ZNF346: variants seen among roughly 807,000 people sequenced by gnomAD.
ZNF346 encodes the protein zinc finger protein 346, also known as double-stranded RNA-binding zinc finger protein JAZ.
A neutral mutation model predicts 33.7 loss-of-function variants in ZNF346; 23 were observed. The ratio of observed to expected loss-of-function variants is 0.68; its 90% CI spans 0.49 to 0.97. ZNF346 has a LOEUF of 0.97. ZNF346 is among the 50% of genes least tolerant of loss of function. ZNF346 has a pLI of 0.00. For synonymous variants in ZNF346, 134 were observed against 142.4 expected, an observed-to-expected ratio of 0.94 and a Z score of 0.42; for missense variants, 340 against 371.1, an observed-to-expected ratio of 0.92 and a Z score of 0.69.
intron 4 of ZNF346, among the ~76,000 whole-genome samples, chr5:177,045,510 A>G (rs1001337298): frequency 6.6e-6 from 1 of 152,018 alleles, no homozygotes; most frequent in Non-Finnish European, 1.5e-5. Context: ...GCCCACCACC[A>G]TGCCCAGCTA....
At chr5:177,075,304 G>A (rs557332340) in intron 8 of ZNF346, among the ~76,000 whole-genome samples, 5 of 151,968 alleles carry the variant, frequency 3.3e-5, no homozygotes, top group African/African-American at 7.3e-5. Context: ...TCATGAGGCT[G>A]AGGCGGGAAA....
chr5:177,059,617 C>T (rs1782204715), intron 5 of ZNF346, among the ~76,000 whole-genome samples: 2 of 152,344 alleles, frequency 1.3e-5, no homozygotes, highest in African/African-American at 4.8e-5. Flanking sequence ...AAATCCTCTG[C>T]TTCACCCCAT....
downstream of ZNF346, among the ~76,000 whole-genome samples, chr5:177,070,675 G>T (rs1033519517): frequency 6.6e-6 from 1 of 152,158 alleles, no homozygotes; most frequent in African/African-American, 2.4e-5. Context: ...TCTTTCTATT[G>T]TTGACCTGAA....
intron 4 of ZNF346, among the ~76,000 whole-genome samples, chr5:177,047,594 C>T (rs1340603444): frequency 6.6e-6 from 1 of 152,080 alleles, no homozygotes; most frequent in Non-Finnish European, 1.5e-5. Flanking sequence ...CAACCTCCAC[C>T]CTCTGGGTTC....
At chr5:177,050,077 C>T (rs7724568) in intron 4 of ZNF346, among the ~76,000 whole-genome samples, 19,719 of 152,214 alleles carry the variant, frequency 0.13, 2,983 homozygotes, top group African/African-American at 0.37. Flanking sequence ...CCTCGTGATC[C>T]GCCTGCCTTG....
rs1200551705 is a variant in ZNF346 at position 177,043,191 on chromosome 5, GTCTCGCT to G, written c.373-1196_373-1190del. ...TTAAAAAATTTTTCGTAGAGACAGG[GTCTCGCT>G]TTGTTGCCCAGGCTGGTCTCAAATT... On this transcript the variant is annotated intron_variant, in intron 3 of 6. Transcript: ENST00000358149. 1.4e-4 allele frequency among the ~76,000 whole-genome samples: 22 copies of G among 151,938 alleles called. No homozygotes were observed. The East Asian group carries it at 4.3e-3, about 30-fold the overall frequency.
intron 4 of ZNF346, among the ~76,000 whole-genome samples, chr5:177,049,469 C>T (rs1270593974): frequency 6.6e-6 from 1 of 152,206 alleles, no homozygotes; most frequent in East Asian, 1.9e-4. Flanking sequence ...GTGGCATCCG[C>T]TTTATGAGGC....
At chr5:177,053,512 A>G (rs1401470373) in intron 5 of ZNF346, among the ~76,000 whole-genome samples, 2 of 151,924 alleles carry the variant, frequency 1.3e-5, no homozygotes, top group East Asian at 1.9e-4. Flanking sequence ...GGTACTTTTA[A>G]TGCTGTTTTA....
At chr5:177,072,832 C>G (rs1204958440), downstream of ZNF346, among the ~76,000 whole-genome samples, 1 of 152,198 alleles carries the variant, frequency 6.6e-6, no homozygotes, top group African/African-American at 2.4e-5. Context: ...TAAGGAGAGA[C>G]TCATTTCTGA....
intron 5 of ZNF346, 63 bp downstream of exon 5, chr5:177,050,999 C>A: frequency 1.5e-6 from 2 of 1,332,402 alleles, no homozygotes; most frequent in Non-Finnish European, 2.2e-6. Flanking sequence ...CTACCCGGAC[C>A]AGCTGACGTT....
chr5:177,046,538 TA>T (rs1481108088), intron 4 of ZNF346, among the ~76,000 whole-genome samples: 1 of 152,208 alleles, frequency 6.6e-6, no homozygotes, highest in Non-Finnish European at 1.5e-5. Flanking sequence ...ATTTCCATGT[TA>T]TTACACAACT....
Position 177,038,236 on chromosome 5 carries a change from G to A in ZNF346, c.176-2890G>A, listed in dbSNP as rs1330077275. Among the ~76,000 whole-genome samples, 3 of 150,810 alleles carry A rather than the reference G, an allele frequency of 2.0e-5. No individual in the cohort carries two copies. In the East Asian group the frequency reaches 5.9e-4, roughly 30 times the overall value. On this transcript the variant is annotated intron_variant, in intron 1 of 6. Transcript: ENST00000358149. The stretch of plus-strand genomic sequence containing the variant: ...CCTGAATAGCTAAGACTACAGGCAT[G>A]CGCCACCATGCCCAACTACGTTTTT...
Position 177,062,170 on chromosome 5 carries a change from A to T in ZNF346, c.797+19A>T, listed in dbSNP as rs972832065. On this transcript the variant is annotated intron_variant, in intron 6 of 6. Coordinates refer to ENST00000358149, the MANE Select transcript of ZNF346 (RefSeq NM_012279.4). Reference sequence around the variant, plus strand: ...AGAACCAGTAAGTAACCATTTTTTGAAATTCTAGGATCCATAGCAGGAGCT... The same window carrying T: ...AGAACCAGTAAGTAACCATTTTTTGTAATTCTAGGATCCATAGCAGGAGCT... 27 of 1,608,332 alleles carry T rather than the reference A, an allele frequency of 1.7e-5. No individual in the cohort carries two copies. Among genetic ancestry groups the T allele is most frequent in the Non-Finnish European group, 7.7e-6 (9 of 1,175,070 alleles).
intron 5 of ZNF346, among the ~76,000 whole-genome samples, chr5:177,059,845 A>G (rs909289323): frequency 6.6e-6 from 1 of 152,222 alleles, no homozygotes. Context: ...CTGTGTTCTT[A>G]TGGAGCTTAC....
intron 1 of ZNF346, among the ~76,000 whole-genome samples, chr5:177,033,507 T>TTTGTA (rs1778023615): frequency 2.0e-5 from 3 of 151,924 alleles, no homozygotes; most frequent in Admixed American, 1.3e-4. Flanking sequence ...ATTTTTTTGT[T>TTTGTA]TTGTTTTGTT....
downstream of ZNF346, among the ~76,000 whole-genome samples, chr5:177,072,293 C>T (rs1204907930): frequency 6.6e-6 from 1 of 152,244 alleles, no homozygotes; most frequent in East Asian, 1.9e-4. Flanking sequence ...AGGACATTTC[C>T]CTCAGGAGGC....
intron 1 of ZNF346, among the ~76,000 whole-genome samples, chr5:177,024,058 C>T (rs996991349): frequency 1.4e-5 from 2 of 145,982 alleles, no homozygotes; most frequent in Admixed American, 6.9e-5. Context: ...TGTGTGTATG[C>T]GTATATATAA....
chr5:177,035,847 G>A (rs1194506291), intron 1 of ZNF346, among the ~76,000 whole-genome samples: 7 of 151,902 alleles, frequency 4.6e-5, no homozygotes, highest in African/African-American at 1.7e-4. Flanking sequence ...CACTATGTTG[G>A]CCAGGCTGGT....
chr5:177,047,498 C>G (rs1043411182), intron 4 of ZNF346, among the ~76,000 whole-genome samples: 1 of 151,820 alleles, frequency 6.6e-6, no homozygotes, highest in Admixed American at 6.6e-5. Flanking sequence ...ACCACCATAC[C>G]CGGCTAATGT....
Sources: allele counts gnomAD v4.1 joint callset (sites outside exome capture counted in the v4.1 genomes callset), GRCh38; gene constraint gnomAD v4.1.1; transcripts MANE v1.5; gene names NCBI Gene and HGNC (gene_info 2026-07-23, HGNC 2026-07-21).